AK5: variants seen among roughly 807,000 people sequenced by gnomAD.
AK5 encodes adenylate kinase 5.
In AK5, 27 loss-of-function variants were observed where a neutral mutation model predicts 69.5. That is an observed-to-expected ratio of 0.39 (90% CI 0.29 to 0.54). The LOEUF is 0.54. AK5 is among the 20% of genes least tolerant of loss of function. AK5 has a pLI of 0.71. For missense variants in AK5, 531 were observed against 700.4 expected, an observed-to-expected ratio of 0.76 and a Z score of 2.73; for synonymous variants, 260 against 244.4, an observed-to-expected ratio of 1.06 and a Z score of -0.60.
chr1:77,427,250 C>T (rs1651273803), intron 8 of AK5, among the ~76,000 whole-genome samples: 1 of 151,960 alleles, frequency 6.6e-6, no homozygotes, highest in Non-Finnish European at 1.5e-5. Context: ...ATCAATGAGC[C>T]TCTAGCCAGG....
At chr1:77,340,837 A>G (rs1661618362) in intron 6 of AK5, 1 of 314,882 alleles carries the variant, frequency 3.2e-6, no homozygotes, top group Non-Finnish European at 5.9e-6. Context: ...TCAAGTAAAA[A>G]AGTGTTTTAA....
intron 6 of AK5, among the ~76,000 whole-genome samples, chr1:77,358,280 T>A (rs1014194393): frequency 2.6e-5 from 4 of 152,118 alleles, no homozygotes; most frequent in Non-Finnish European, 5.9e-5. Flanking sequence ...ACAAGCATGT[T>A]TACAAGGCAT....
chr1:77,335,820 A>C (rs887030107), intron 5 of AK5, among the ~76,000 whole-genome samples: 1 of 152,222 alleles, frequency 6.6e-6, no homozygotes. Context: ...CAGGCTTAAA[A>C]ACAGTGGAAA....
At chr1:77,486,709 A>G (rs1655626486) in intron 10 of AK5, among the ~76,000 whole-genome samples, 2 of 151,790 alleles carry the variant, frequency 1.3e-5, no homozygotes, top group South Asian at 4.1e-4. Context: ...AAAAAAAAAA[A>G]GGAATTTGGT....
At chr1:77,453,753 G>T (rs2247536) in intron 8 of AK5, among the ~76,000 whole-genome samples, 1 of 152,090 alleles carries the variant, frequency 6.6e-6, no homozygotes, top group Non-Finnish European at 1.5e-5. Flanking sequence ...TCCTCACAAA[G>T]AAGATGAGGC....
chr1:77,282,678 A>C (rs1243344087), intron 1 of AK5: 1 of 1,138,786 alleles, frequency 8.8e-7, no homozygotes, highest in Non-Finnish European at 1.1e-6. Context: ...TGGGCTGCAG[A>C]CCGCGGCCGG....
At position 77,559,914 on chromosome 1, in the gene AK5, CA is replaced by C. The variant is rs1393807692; in HGVS notation, c.*1245del. The C allele has an allele frequency of 2.0e-5, 3 of 150,766 alleles. No homozygotes were observed. Among genetic ancestry groups the C allele is most frequent in the Non-Finnish European group, 4.4e-5 (3 of 67,718 alleles). 9.3% of individuals were successfully genotyped at this position (150,766 alleles called of 1,614,324 possible). A position where few individuals can be genotyped will look rare whatever the true frequency, so the allele number is the denominator to read the frequency against. Reference sequence around the variant, plus strand: ...TGGGATAGAATTGTATTTTTTAAGTCATTTTTTTTTCTTGAAATGGATATGT... The same window carrying C: ...TGGGATAGAATTGTATTTTTTAAGTCTTTTTTTTTCTTGAAATGGATATGT... On this transcript the variant is annotated 3_prime_UTR_variant, in exon 14 of 14. Transcript: ENST00000354567.
intron 8 of AK5, chr1:77,420,471 A>G (rs1189433014): frequency 2.6e-5 from 4 of 152,252 alleles, no homozygotes; most frequent in African/African-American, 7.2e-5. Flanking sequence ...AGATTAAATG[A>G]AACAAGAACT....
chr1:77,343,100 TGTTGA>T (rs980779703), intron 6 of AK5, among the ~76,000 whole-genome samples: 10 of 152,310 alleles, frequency 6.6e-5, no homozygotes, highest in Admixed American at 1.3e-4. Flanking sequence ...GTGTGATGAC[TGTTGA>T]GTTATGTGTT....
At chr1:77,438,876 A>G (rs2100630538) in intron 8 of AK5, among the ~76,000 whole-genome samples, 1 of 152,228 alleles carries the variant, frequency 6.6e-6, no homozygotes, top group East Asian at 1.9e-4. Flanking sequence ...AAAAGTTTTT[A>G]TCATTCCAGG....
At chr1:77,473,050 G>A (rs2100699221) in intron 8 of AK5, among the ~76,000 whole-genome samples, 2 of 152,226 alleles carry the variant, frequency 1.3e-5, no homozygotes, top group East Asian at 3.9e-4. Context: ...AATCCCTTTG[G>A]CCATGTAAGG....
chr1:77,358,779 T>C (rs1293278154), intron 6 of AK5, among the ~76,000 whole-genome samples: 1 of 150,670 alleles, frequency 6.6e-6, no homozygotes, highest in Non-Finnish European at 1.5e-5. Context: ...CCTGCAATAA[T>C]GTGATTTGTC....
intron 8 of AK5, among the ~76,000 whole-genome samples, chr1:77,444,328 A>ACT (rs1652565970): frequency 1.6e-5 from 1 of 63,112 alleles, no homozygotes; most frequent in Non-Finnish European, 2.9e-5. Flanking sequence ...ATGTGTATAT[A>ACT]TATAGTATAT....
At chr1:77,337,955 T>C (rs1235574033) in intron 5 of AK5, among the ~76,000 whole-genome samples, 1 of 118,388 alleles carries the variant, frequency 8.4e-6, no homozygotes, top group African/African-American at 3.1e-5. Context: ...CTGAACAATG[T>C]TTTCTTTTTA....
chr1:77,545,793 C>T (rs1160984824), intron 13 of AK5, among the ~76,000 whole-genome samples: 1 of 152,158 alleles, frequency 6.6e-6, no homozygotes, highest in Non-Finnish European at 1.5e-5. Flanking sequence ...TGCATTTCAT[C>T]TGGGCCTGCC....
At chr1:77,490,438 G>A (rs990124522) in intron 10 of AK5, among the ~76,000 whole-genome samples, 5 of 152,200 alleles carry the variant, frequency 3.3e-5, no homozygotes, top group African/African-American at 1.2e-4. Flanking sequence ...GGCAAGGACG[G>A]ACCCAGTCCA....
chr1:77,341,418 T>TCGGGCC (rs1372620915), intron 6 of AK5, among the ~76,000 whole-genome samples: 1 of 152,168 alleles, frequency 6.6e-6, no homozygotes, highest in Non-Finnish European at 1.5e-5. Context: ...CTCTCAGCCC[T>TCGGGCC]CGGGCCCGGG....
intron 10 of AK5, among the ~76,000 whole-genome samples, chr1:77,493,718 C>A (rs997735632): frequency 6.6e-5 from 10 of 152,152 alleles, no homozygotes; most frequent in Non-Finnish European, 1.5e-4. Context: ...CTCTTCCAGG[C>A]CCGACACCTG....
chr1:77,358,196 A>C (rs1429242331), intron 6 of AK5, among the ~76,000 whole-genome samples: 1 of 152,122 alleles, frequency 6.6e-6, no homozygotes, highest in African/African-American at 2.4e-5. Context: ...GTGTTTTTCT[A>C]TGATATTTTG....
Sources: gnomAD v4.1 joint callset for allele counts (sites outside exome capture counted in the v4.1 genomes callset) on GRCh38, gnomAD v4.1.1 for gene constraint, MANE v1.5 for transcripts, NCBI Gene and HGNC (gene_info 2026-07-23, HGNC 2026-07-21) for gene names.